The following CPEB1 variants were observed in gnomAD, a reference collection of about 807,000 sequenced individuals.
CPEB1 encodes cytoplasmic polyadenylation element-binding protein 1.
Under a neutral mutation model 65.8 loss-of-function variants are expected in CPEB1, and 7 were observed. The observed-to-expected ratio is 0.11, with a 90% CI of 0.06 to 0.20. CPEB1 has a LOEUF of 0.20. CPEB1 is among the 10% of genes least tolerant of loss of function. The probability of loss-of-function intolerance (pLI) is 1.00; values close to 1 mark genes in which losing one functional copy is unlikely to be tolerated. For synonymous variants in CPEB1, 262 were observed against 260.0 expected (o/e 1.01, Z -0.08); for missense variants, 551 against 712.2 (o/e 0.77, Z 2.58).
At chr15:82,552,134 T>C (rs1319431096) in intron 9 of CPEB1, among the ~76,000 whole-genome samples, 2 of 152,142 alleles carry the variant, frequency 1.3e-5, no homozygotes, top group African/African-American at 2.4e-5. Context: ...TAAGTCCAAG[T>C]AGAGAAGTTT....
intron 3 of CPEB1, among the ~76,000 whole-genome samples, 168 bp downstream of exon 3, chr15:82,627,025 T>C (rs994404048): frequency 1.3e-5 from 2 of 152,190 alleles, no homozygotes; most frequent in Non-Finnish European, 2.9e-5. Context: ...AAGGCAGTCT[T>C]CACCCAGAGA....
chr15:82,630,037 C>G (rs1484855515), intron 1 of CPEB1: 1 of 985,282 alleles, frequency 1.0e-6, no homozygotes, highest in Non-Finnish European at 1.2e-6. Context: ...AGGCCCTTTT[C>G]ACAACTGTAG....
chr15:82,588,550 A>G (rs1014116955), intron 3 of CPEB1, among the ~76,000 whole-genome samples: 4 of 152,222 alleles, frequency 2.6e-5, no homozygotes, highest in Admixed American at 2.0e-4. Flanking sequence ...TTCCATGAAC[A>G]TGATGTATCT....
In CPEB1 at chr15:82,645,732, G is replaced by A. The variant is rs140377182; in HGVS notation, c.-98+1405C>T. On this transcript the variant is annotated intron_variant, in intron 1 of 12. Transcript: ENST00000684509. ...AAAATACAAAAATCAGCCGCGCGTGGTGGCACGAGCTTGTAATCCTAGCTA... is the reference window on the plus strand; with the variant it reads ...AAAATACAAAAATCAGCCGCGCGTGATGGCACGAGCTTGTAATCCTAGCTA... 5.3e-5 allele frequency among the ~76,000 whole-genome samples: 8 copies of A among 152,118 alleles called. 1 individual carries two copies. Among genetic ancestry groups the A allele is most frequent in the Admixed American group, 2.0e-4 (3 of 15,286 alleles).
At chr15:82,624,299 T>G (rs2045567875) in intron 3 of CPEB1, among the ~76,000 whole-genome samples, 1 of 152,172 alleles carries the variant, frequency 6.6e-6, no homozygotes, top group Admixed American at 6.5e-5. Flanking sequence ...ATCAGCTACC[T>G]TTGACAGAAA....
intron 3 of CPEB1, among the ~76,000 whole-genome samples, chr15:82,579,763 T>A (rs375593530): frequency 1.8e-4 from 27 of 148,428 alleles, no homozygotes; most frequent in African/African-American, 5.5e-4. Flanking sequence ...ATACAAAAAA[T>A]TAGCCGGGCG....
At position 82,607,501 on chromosome 15, in the gene CPEB1, T is replaced by C. The variant is rs1001058413; in HGVS notation, c.271+19692A>G. Among the ~76,000 whole-genome samples the C allele has an allele frequency of 2.6e-5, 4 of 152,070 alleles. 1 individual carries two copies. Among genetic ancestry groups the C allele is most frequent in the Admixed American group, 1.3e-4 (2 of 15,278 alleles). ...TACTCGGGAGGCTGAGACAGGAGAA[T>C]TGCTTGAACTGGGAAGCAGAAGTTG... On this transcript the variant is annotated intron_variant, in intron 3 of 12. Coordinates refer to ENST00000684509, the MANE Select transcript of CPEB1 (RefSeq NM_001365242.1).
At chr15:82,647,770 G>A, upstream of CPEB1, 2 of 1,165,704 alleles carry the variant, frequency 1.7e-6, no homozygotes, top group East Asian at 3.4e-5. Context: ...TGGGGGTACC[G>A]CGGCGCCGGA....
At position 82,606,541 on chromosome 15, in the gene CPEB1, G is replaced by T; in HGVS notation, c.271+20652C>A. 1.8e-5 allele frequency among the ~76,000 whole-genome samples: 2 copies of T among 111,780 alleles called. 1 individual carries two copies. The highest frequency in any genetic ancestry group is 3.7e-5 in the Non-Finnish European group (2 of 53,664). The allele number at this position is 111,780 out of a possible 152,430, so 73.3% of individuals were successfully genotyped here. On this transcript the variant is annotated intron_variant, in intron 3 of 12. Transcript: ENST00000684509. ...TAACTTAAAAATACATAGTAAGGCC[G>T]GGCGCGGTGGCTCACGCCTGTAATC...
chr15:82,566,541 T>G (rs564816376), intron 4 of CPEB1, among the ~76,000 whole-genome samples: 3 of 152,134 alleles, frequency 2.0e-5, no homozygotes, highest in Admixed American at 6.5e-5. Context: ...GTAAACAGAG[T>G]GTGGACTTCC....
chr15:82,548,163 C>T (rs893606355), intron 10 of CPEB1, among the ~76,000 whole-genome samples: 1 of 151,918 alleles, frequency 6.6e-6, no homozygotes, highest in African/African-American at 2.4e-5. Flanking sequence ...GGTGAAACCC[C>T]GTCTCTACTA....
chr15:82,584,903 C>CTTTT lies in CPEB1; in HGVS notation c.272-13375_272-13372dup, dbSNP rs3080692. Among the ~76,000 whole-genome samples, 29 of 81,742 alleles carry CTTTT rather than the reference C, an allele frequency of 3.5e-4. 1 individual carries two copies. The highest frequency in any genetic ancestry group is 9.8e-3 in the Middle Eastern group (1 of 102). 53.6% of individuals were successfully genotyped at this position (81,742 alleles called of 152,430 possible). ...GACATAATTTTTTTTTCCTAATTTG[C>CTTTT]TTTTTTTTTTTTTTTTTTTACAGTG... On this transcript the variant is annotated intron_variant, in intron 3 of 12. Coordinates refer to ENST00000684509, the MANE Select transcript of CPEB1 (RefSeq NM_001365242.1).
chr15:82,564,316 C>T (rs1037245281), intron 4 of CPEB1, among the ~76,000 whole-genome samples: 5 of 152,006 alleles, frequency 3.3e-5, no homozygotes, highest in African/African-American at 4.8e-5. Context: ...GACGGAGTCT[C>T]GCTCTGTTGC....
At chr15:82,638,127 A>G (rs2046815907) in intron 1 of CPEB1, 1 of 302,714 alleles carries the variant, frequency 3.3e-6, no homozygotes, top group Non-Finnish European at 6.8e-6. Flanking sequence ...TCACACAGAT[A>G]CATAGTTGGA....
intron 3 of CPEB1, among the ~76,000 whole-genome samples, chr15:82,598,012 A>G (rs536910887): frequency 1.3e-3 from 195 of 152,354 alleles, no homozygotes; most frequent in African/African-American, 4.6e-3. Context: ...TGGTTCTACT[A>G]CTTCACCTGT....
intron 1 of CPEB1, among the ~76,000 whole-genome samples, chr15:82,636,805 A>AT (rs941359291): frequency 2.0e-5 from 3 of 152,116 alleles, no homozygotes; most frequent in African/African-American, 7.2e-5. Flanking sequence ...TGTCATAGGT[A>AT]TTTTTACCAC....
intron 1 of CPEB1, among the ~76,000 whole-genome samples, chr15:82,644,247 C>T (rs1485218514): frequency 6.6e-6 from 1 of 152,174 alleles, no homozygotes; most frequent in Non-Finnish European, 1.5e-5. Flanking sequence ...GTTCACTTTG[C>T]CTATAAATGT....
chr15:82,546,179 G>C (rs999592748), intron 12 of CPEB1, among the ~76,000 whole-genome samples: 2 of 151,920 alleles, frequency 1.3e-5, no homozygotes, highest in African/African-American at 4.8e-5. Context: ...GCGTGATCTC[G>C]ACTCACTGCA....
chr15:82,568,815 G>A (rs889844412), intron 4 of CPEB1, among the ~76,000 whole-genome samples: 6 of 152,310 alleles, frequency 3.9e-5, no homozygotes, highest in Admixed American at 6.5e-5. Flanking sequence ...CTTAATCAAT[G>A]TTGTACTTCC....
Sources: gnomAD v4.1 joint callset for allele counts (sites outside exome capture counted in the v4.1 genomes callset) on GRCh38, gnomAD v4.1.1 for gene constraint, MANE v1.5 for transcripts, NCBI Gene and HGNC (gene_info 2026-07-23, HGNC 2026-07-21) for gene names.